FOXJ3: variants seen among roughly 807,000 people sequenced by gnomAD.
The protein encoded by FOXJ3 is forkhead box J3.
In FOXJ3, 22 loss-of-function variants were observed where a neutral mutation model predicts 76.1. The ratio of observed to expected loss-of-function variants is 0.29; its 90% confidence interval spans 0.21 to 0.41. The LOEUF is 0.41. Among genes scored for constraint, FOXJ3 ranks in the 10% least tolerant of loss-of-function variants. The probability of loss-of-function intolerance (pLI) is 1.00; values close to 1 mark genes in which losing one functional copy is unlikely to be tolerated. For synonymous variants in FOXJ3, 269 were observed against 261.2 expected, an observed-to-expected ratio of 1.03 and a Z score of -0.29; for missense variants, 613 against 762.1, an observed-to-expected ratio of 0.80 and a Z score of 2.30.
At chr1:42,237,191 C>T (rs943851539) in intron 4 of FOXJ3, among the ~76,000 whole-genome samples, 9 of 151,626 alleles carry the variant, frequency 5.9e-5, no homozygotes, top group African/African-American at 2.2e-4. Flanking sequence ...CTGGCTAACA[C>T]GGTAAAACCC....
intron 4 of FOXJ3, among the ~76,000 whole-genome samples, chr1:42,247,283 G>C (rs1649629590): frequency 6.6e-6 from 1 of 151,926 alleles, no homozygotes; most frequent in Non-Finnish European, 1.5e-5. Flanking sequence ...CCATAAAAAT[G>C]CACAAATAAT....
rs1236150099 is a variant in FOXJ3 at position 42,202,016 on chromosome 1, TC to T, written c.631-2787del. Among the ~76,000 whole-genome samples, 10 of 152,340 alleles carry T rather than the reference TC, an allele frequency of 6.6e-5. 1 individual carries two copies. Among genetic ancestry groups the T allele is most frequent in the African/African-American group, 2.2e-4 (9 of 41,582 alleles). ...ATAAGATGTTCATATCTATCCTTCA[TC>T]TTTTTAATTCTGTAGAATCCATATA... On this transcript the variant is annotated intron_variant, in intron 6 of 12. Coordinates refer to ENST00000361346, the MANE Select transcript of FOXJ3 (RefSeq NM_014947.5).
At chr1:42,284,349 T>G (rs570301812) in intron 2 of FOXJ3, among the ~76,000 whole-genome samples, 1 of 152,320 alleles carries the variant, frequency 6.6e-6, no homozygotes, top group East Asian at 1.9e-4. Flanking sequence ...CTGAGGCTAG[T>G]GCAAAAACAG....
At chr1:42,260,995 A>G (rs540429532) in intron 4 of FOXJ3, among the ~76,000 whole-genome samples, 155 of 152,352 alleles carry the variant, frequency 1.0e-3, no homozygotes, top group Non-Finnish European at 2.0e-3. Flanking sequence ...ATAATCCTTT[A>G]GTTCCTTTCA....
chr1:42,311,917 T>C (rs1654838639), intron 1 of FOXJ3, among the ~76,000 whole-genome samples: 1 of 152,230 alleles, frequency 6.6e-6, no homozygotes, highest in Non-Finnish European at 1.5e-5. Flanking sequence ...TCAGCACTAC[T>C]ATGGAGCACA....
chr1:42,333,884 GCTC>G (rs757848308), intron 1 of FOXJ3, among the ~76,000 whole-genome samples: 1 of 152,262 alleles, frequency 6.6e-6, no homozygotes, highest in East Asian at 1.9e-4. Context: ...TGCATATAAC[GCTC>G]CTATGACATC....
chr1:42,309,215 T>C (rs1281832008), intron 2 of FOXJ3, among the ~76,000 whole-genome samples: 1 of 151,960 alleles, frequency 6.6e-6, no homozygotes, highest in Non-Finnish European at 1.5e-5. Flanking sequence ...TCTCTCTCCT[T>C]CTGCCCTCCA....
intron 1 of FOXJ3, among the ~76,000 whole-genome samples, chr1:42,324,103 T>TATATACA (rs1553170579): frequency 1.1e-4 from 10 of 88,324 alleles, no homozygotes; most frequent in East Asian, 6.1e-4. Context: ...ATATATACTG[T>TATATACA]GTATATACAC....
At chr1:42,250,634 T>G (rs1047209497) in intron 4 of FOXJ3, among the ~76,000 whole-genome samples, 1 of 151,924 alleles carries the variant, frequency 6.6e-6, no homozygotes, top group Non-Finnish European at 1.5e-5. Flanking sequence ...CTGGCCAACA[T>G]GGAGAAACCC....
chr1:42,304,649 G>T (rs544147693), intron 2 of FOXJ3, among the ~76,000 whole-genome samples: 1 of 152,224 alleles, frequency 6.6e-6, no homozygotes, highest in Admixed American at 6.5e-5. Flanking sequence ...ACAATGGAAA[G>T]GACAGTCTCT....
intron 2 of FOXJ3, among the ~76,000 whole-genome samples, chr1:42,280,929 C>T (rs1365312875): frequency 6.6e-6 from 1 of 152,114 alleles, no homozygotes; most frequent in Non-Finnish European, 1.5e-5. Flanking sequence ...ATCCAATTTA[C>T]CTCAATCAAG....
At chr1:42,261,320 T>C (rs923117269) in intron 4 of FOXJ3, among the ~76,000 whole-genome samples, 7 of 151,704 alleles carry the variant, frequency 4.6e-5, no homozygotes, top group African/African-American at 1.7e-4. Flanking sequence ...AAAAAGGGTA[T>C]AATCAAGAGA....
chr1:42,322,470 G>A (rs959680448), intron 1 of FOXJ3, among the ~76,000 whole-genome samples: 1 of 152,004 alleles, frequency 6.6e-6, no homozygotes, highest in African/African-American at 2.4e-5. Flanking sequence ...AAAGGTATTT[G>A]AGGCATATGT....
intron 5 of FOXJ3, among the ~76,000 whole-genome samples, chr1:42,213,675 G>T (rs1033571787): frequency 1.3e-5 from 2 of 151,936 alleles, no homozygotes; most frequent in African/African-American, 4.8e-5. Flanking sequence ...CTGTCTAGGG[G>T]GTATTATGCT....
At chr1:42,307,510 T>C (rs543862246) in intron 2 of FOXJ3, among the ~76,000 whole-genome samples, 1 of 152,350 alleles carries the variant, frequency 6.6e-6, no homozygotes, top group African/African-American at 2.4e-5. Flanking sequence ...AACACATTTA[T>C]ATCTAGTTAT....
chr1:42,330,390 C>T (rs746626504), intron 1 of FOXJ3, among the ~76,000 whole-genome samples: 11 of 152,194 alleles, frequency 7.2e-5, no homozygotes, highest in Non-Finnish European at 1.5e-5. Flanking sequence ...GTAATCCTAG[C>T]GCTTTGGGAG....
intron 2 of FOXJ3, among the ~76,000 whole-genome samples, chr1:42,299,999 G>C (rs983004970): frequency 1.3e-5 from 2 of 151,922 alleles, no homozygotes; most frequent in Non-Finnish European, 2.9e-5. Context: ...TCAGGAGTTT[G>C]AGACCTGCCT....
chr1:42,186,163 C>T (rs150525479), intron 11 of FOXJ3, among the ~76,000 whole-genome samples: 1,532 of 152,124 alleles, frequency 0.01, 34 homozygotes, highest in African/African-American at 0.035. Flanking sequence ...ATGTGATACA[C>T]AGGGATGTAA....
At chr1:42,210,636 G>A (rs1646949867) in intron 5 of FOXJ3, among the ~76,000 whole-genome samples, 1 of 152,054 alleles carries the variant, frequency 6.6e-6, no homozygotes, top group Non-Finnish European at 1.5e-5. Flanking sequence ...ACTACAGTTG[G>A]CATTTGAGAA....
Sources: allele counts gnomAD v4.1 joint callset (sites outside exome capture counted in the v4.1 genomes callset), GRCh38; gene constraint gnomAD v4.1.1; transcripts MANE v1.5; gene names NCBI Gene and HGNC (gene_info 2026-07-23, HGNC 2026-07-21).